Variants in GLI2 observed in about 807,000 individuals in gnomAD.
The protein encoded by GLI2 is transcription activator GLI2.
Under a neutral mutation model 78.9 loss-of-function variants are expected in GLI2, and 22 were observed. The observed-to-expected ratio is 0.28, with a 90% CI of 0.20 to 0.40. The LOEUF (loss-of-function observed/expected upper bound fraction) is 0.40, where lower values mean the gene tolerates loss of function less well. Ranked by LOEUF, GLI2 falls within the 10% of genes least tolerant of loss-of-function variation. The pLI is 1.00. For missense variants in GLI2, 2,097 were observed against 2,213.2 expected (o/e 0.95, Z 1.05); for synonymous variants, 974 against 963.7 (o/e 1.01, Z -0.20).
intron 3 of GLI2, among the ~76,000 whole-genome samples, chr2:120,928,845 G>T (rs137860448): frequency 6.6e-6 from 1 of 152,170 alleles, no homozygotes; most frequent in Non-Finnish European, 1.5e-5. Flanking sequence ...TATGCTTCAC[G>T]CAGCTCCTCA....
intron 2 of GLI2, among the ~76,000 whole-genome samples, chr2:120,864,194 C>A (rs896932080): frequency 1.3e-5 from 2 of 152,176 alleles, no homozygotes; most frequent in Non-Finnish European, 2.9e-5. Flanking sequence ...CACACACAGA[C>A]GGGAGGGCTG....
chr2:120,963,958 T>C (rs73953003), intron 5 of GLI2, among the ~76,000 whole-genome samples: 1,565 of 152,330 alleles, frequency 0.01, 24 homozygotes, highest in African/African-American at 0.034. Flanking sequence ...ACACATCCTG[T>C]CTGTGCCATG....
At chr2:120,856,437 G>A (rs1007254512) in intron 2 of GLI2, among the ~76,000 whole-genome samples, 13 of 152,256 alleles carry the variant, frequency 8.5e-5, no homozygotes, top group East Asian at 1.9e-4. Flanking sequence ...GACTGTGCCC[G>A]GGCCAGGAAG....
Position 120,988,880 on chromosome 2 carries a change from G to A in GLI2, c.2915G>A (p.Ser972Asn). The A allele has an allele frequency of 6.7e-7, 1 of 1,503,756 alleles. No individual in the cohort carries two copies. Among genetic ancestry groups the A allele is most frequent in the Non-Finnish European group, 8.9e-7 (1 of 1,128,760 alleles). 93.2% of individuals were successfully genotyped at this position (1,503,756 alleles called of 1,614,324 possible). The change falls in exon 14 of 14, where the codon AGC becomes AAC. Residue 972 changes from serine (S) to asparagine (N), a missense_variant. By Grantham distance (46) the Ser-to-Asn change is conservative (BLOSUM62 1). Coordinates refer to ENST00000361492, the MANE Select transcript of GLI2 (RefSeq NM_001374353.1). ...LSLPRVQRFH[S>N]THNVNPGPLP... is the part of the protein sequence containing the mutation. ...CTGCCGCGGGTGCAGCGCTTCCACA[G>A]CACCCACAACGTGAACCCCGGCCCG...
intron 3 of GLI2, among the ~76,000 whole-genome samples, chr2:120,932,110 C>T (rs1275789354): frequency 6.6e-6 from 1 of 152,198 alleles, no homozygotes; most frequent in Non-Finnish European, 1.5e-5. Flanking sequence ...GCTCTGGCTT[C>T]CATGATGAAT....
intron 1 of GLI2, among the ~76,000 whole-genome samples, chr2:120,759,278 G>A (rs532759040): frequency 1.3e-5 from 2 of 152,210 alleles, no homozygotes; most frequent in South Asian, 4.2e-4. Flanking sequence ...TTTTGACCCT[G>A]TCTACCTGCA....
intron 5 of GLI2, among the ~76,000 whole-genome samples, chr2:120,962,036 AGCCCCGATTCCATGCAAGT>A: frequency 6.6e-6 from 1 of 152,168 alleles, no homozygotes; most frequent in African/African-American, 2.4e-5. Flanking sequence ...GGGGATCCCC[AGCCCCGATTCCATGCAAGT>A]CCACCCACAG....
intron 2 of GLI2, among the ~76,000 whole-genome samples, chr2:120,831,375 G>T (rs1686353542): frequency 6.6e-6 from 1 of 152,208 alleles, no homozygotes; most frequent in Admixed American, 6.5e-5. Context: ...TGGGCACCAG[G>T]CCTCCCTGGA....
chr2:120,943,455 A>G (rs75845896), intron 3 of GLI2, among the ~76,000 whole-genome samples: 3,717 of 152,272 alleles, frequency 0.024, 161 homozygotes, highest in African/African-American at 0.086. Flanking sequence ...TGAGGTCATA[A>G]GTCACCCTGA....
At chr2:120,783,942 C>T (rs1683919882) in intron 1 of GLI2, among the ~76,000 whole-genome samples, 1 of 152,198 alleles carries the variant, frequency 6.6e-6, no homozygotes. Context: ...CCAATGAGAT[C>T]TGACTGGCAC....
intron 1 of GLI2, among the ~76,000 whole-genome samples, chr2:120,749,983 A>G (rs1031030857): frequency 1.3e-5 from 2 of 152,182 alleles, no homozygotes; most frequent in African/African-American, 4.8e-5. Context: ...CTAAGTCCCA[A>G]AGATAGAACA....
intron 13 of GLI2, among the ~76,000 whole-genome samples, chr2:120,987,856 C>T (rs139301374): frequency 2.8e-3 from 429 of 152,348 alleles, no homozygotes; most frequent in African/African-American, 9.7e-3. Context: ...CTTAGGCCTC[C>T]TGGCTTCCCC....
At position 120,988,389 on chromosome 2, in the gene GLI2, C is replaced by T. The variant is rs1284217047; in HGVS notation, c.2424C>T (p.Gly808=). ...SAYTVSRRSS[G]ISPYFSSRRS... ...ACACCGTGAGCCGCCGCTCCTCCGG[C>T]ATCTCCCCCTACTTCTCCAGCCGCC... The change falls in exon 14 of 14, where the codon GGC becomes GGT. Residue 808 remains glycine, a synonymous_variant. Transcript: ENST00000361492. 1 of 1,572,562 alleles carries T rather than the reference C, an allele frequency of 6.4e-7. No homozygotes were observed.
At position 120,986,694 on chromosome 2, in the gene GLI2, C is replaced by T. The variant is rs1573734641; in HGVS notation, c.2242+80C>T. On this transcript the variant is annotated intron_variant, in intron 13 of 13. Transcript: ENST00000361492. The stretch of plus-strand genomic sequence containing the variant: ...CAACTAGGCTGGCACCCACCAAGCA[C>T]CAGTGCTATCTCACCGGATTCCTAC... 3.6e-6 allele frequency: 4 copies of T among 1,098,590 alleles called. No individual in the cohort carries two copies. In the East Asian group the frequency reaches 9.5e-5, roughly 26 times the overall value. 68.1% of individuals were successfully genotyped at this position (1,098,590 alleles called of 1,614,324 possible).
intron 2 of GLI2, among the ~76,000 whole-genome samples, chr2:120,839,049 C>T (rs544915249): frequency 6.6e-6 from 1 of 152,336 alleles, no homozygotes. Context: ...ATTCCATCAG[C>T]AGTGAGACTG....
At chr2:120,753,152 A>C (rs1437949612) in intron 1 of GLI2, among the ~76,000 whole-genome samples, 3 of 138,144 alleles carry the variant, frequency 2.2e-5, no homozygotes, top group African/African-American at 8.4e-5. Flanking sequence ...TGGAGGGTGC[A>C]GTGGCACGAT....
chr2:120,767,288 A>G (rs1414849667), intron 1 of GLI2, among the ~76,000 whole-genome samples: 2 of 135,426 alleles, frequency 1.5e-5, no homozygotes, highest in Admixed American at 1.5e-4. Flanking sequence ...GGTACAGCTG[A>G]GTGAGAGGCC....
At chr2:120,932,852 ACTGT>A (rs1222906438) in intron 3 of GLI2, among the ~76,000 whole-genome samples, 1 of 152,158 alleles carries the variant, frequency 6.6e-6, no homozygotes, top group Non-Finnish European at 1.5e-5. Flanking sequence ...GGGAGAGTTG[ACTGT>A]CTGGGGACTG....
At chr2:120,852,957 G>C (rs1687481053) in intron 2 of GLI2, among the ~76,000 whole-genome samples, 1 of 152,222 alleles carries the variant, frequency 6.6e-6, no homozygotes, top group Non-Finnish European at 1.5e-5. Context: ...TTCTGTGAGA[G>C]AGTGGCCAGG....
Sources: gnomAD v4.1 joint callset for allele counts (sites outside exome capture counted in the v4.1 genomes callset) on GRCh38, gnomAD v4.1.1 for gene constraint, MANE v1.5 for transcripts, NCBI Gene and HGNC (gene_info 2026-07-23, HGNC 2026-07-21) for gene names.